DCUN1D5: variants seen among roughly 807,000 people sequenced by gnomAD.
DCUN1D5 encodes defective in cullin neddylation 1 domain containing 5, also known as DCN1-like protein 5.
In DCUN1D5, 10 loss-of-function variants were observed where a neutral mutation model predicts 38.3. The ratio of observed to expected loss-of-function variants is 0.26; its 90% CI spans 0.16 to 0.44. The LOEUF is 0.44. Among genes scored for constraint, DCUN1D5 ranks in the 20% least tolerant of loss-of-function variants. The pLI is 1.00. For missense variants in DCUN1D5, 148 were observed against 275.3 expected, an observed-to-expected ratio of 0.54 and a Z score of 3.27; for synonymous variants, 93 against 90.9, an observed-to-expected ratio of 1.02 and a Z score of -0.13.
Position 103,051,401 on chromosome 11 carries a change from AAG to A in DCUN1D5, c.*10956_*10957del, listed in dbSNP as rs373729186. 1.1e-4 allele frequency: 16 copies of A among 151,890 alleles called. No homozygotes were observed. The highest frequency in any genetic ancestry group is 3.4e-4 in the African/African-American group (14 of 41,330). 9.4% of individuals were successfully genotyped at this position (151,890 alleles called of 1,614,324 possible). On this transcript the variant is annotated 3_prime_UTR_variant, in exon 8 of 8. Coordinates refer to ENST00000260247, the MANE Select transcript of DCUN1D5 (RefSeq NM_032299.4). ...ACCTTAGAAATGATATCAGCATGAA[AAG>A]TTCATGACTTATTCACCTGTGACAT...
At position 103,080,774 on chromosome 11, in the gene DCUN1D5, C is replaced by T. The variant is rs533527874; in HGVS notation, c.341+1974G>A. Reference sequence around the variant, plus strand: ...CTGCAATCCCAGGACTTTGGGAGGTCGAGGCAGGTGGATCACAAGGTCAGG... The same window carrying T: ...CTGCAATCCCAGGACTTTGGGAGGTTGAGGCAGGTGGATCACAAGGTCAGG... On this transcript the variant is annotated intron_variant, in intron 4 of 7. Transcript: ENST00000260247. Among the ~76,000 whole-genome samples, 11 of 152,170 alleles carry T rather than the reference C, an allele frequency of 7.2e-5. No individual in the cohort carries two copies. In the South Asian group the frequency reaches 1.7e-3, roughly 23 times the overall value.
intron 4 of DCUN1D5, among the ~76,000 whole-genome samples, chr11:103,079,202 A>C (rs879852475): frequency 3.3e-5 from 5 of 152,158 alleles, no homozygotes; most frequent in Admixed American, 3.3e-4. Flanking sequence ...GAACAGTTTC[A>C]TCCCAAAGCC....
intron 1 of DCUN1D5, among the ~76,000 whole-genome samples, 178 bp from the exon 2 acceptor site, chr11:103,089,496 C>T (rs943334899): frequency 2.6e-5 from 4 of 151,984 alleles, no homozygotes; most frequent in Admixed American, 1.3e-4. Context: ...GTAGTCTATA[C>T]ATAAGAATTA....
Position 103,062,511 on chromosome 11 carries a change from A to ACCCTT in DCUN1D5, c.659-102_659-98dup. The ACCCTT allele has an allele frequency of 9.8e-7, 1 of 1,016,364 alleles. No individual in the cohort carries two copies. The highest frequency in any genetic ancestry group is 2.2e-5 in the Admixed American group (1 of 44,832). The allele number at this position is 1,016,364 out of a possible 1,614,324, so 63.0% of individuals were successfully genotyped here. The stretch of plus-strand genomic sequence containing the variant: ...CGAGCTCTGCAATGACAGAGGAATG[A>ACCCTT]CCCTTCCTTTCTTTGGGTGTTCTGC... On this transcript the variant is annotated intron_variant, in intron 7 of 7. Transcript: ENST00000260247. The surrounding 1 kb of genome is among the most constrained non-coding windows in gnomAD (Gnocchi z 4.6).
chr11:103,056,113 T>C lies in DCUN1D5; in HGVS notation c.*6246A>G, dbSNP rs1366470034. Among the ~76,000 whole-genome samples, 1 of 152,172 alleles carries C rather than the reference T, an allele frequency of 6.6e-6. No individual in the cohort carries two copies. The highest frequency in any genetic ancestry group is 1.5e-5 in the Non-Finnish European group (1 of 68,016). On this transcript the variant is annotated 3_prime_UTR_variant, in exon 8 of 8. Transcript: ENST00000260247. This position sits in a 1 kb window ranked among gnomAD's most constrained non-coding sequence, Gnocchi z 4.9. ...TACTCTTAATCTCAAATTGTACCAT[T>C]TGTCACCTGGATTTACCATATTATC...
chr11:103,064,068 C>G lies in DCUN1D5; in HGVS notation c.658+207G>C, dbSNP rs1170871564. Among the ~76,000 whole-genome samples, 1 of 152,090 alleles carries G rather than the reference C, an allele frequency of 6.6e-6. No homozygotes were observed. Among genetic ancestry groups the G allele is most frequent in the Non-Finnish European group, 1.5e-5 (1 of 67,958 alleles). ...GCTAAAATGTTTGGTTGCCGAGGAA[C>G]TGAAAACATTTCATTTACCAGCATA... is the stretch of plus-strand genomic sequence containing the variant. On this transcript the variant is annotated intron_variant, in intron 7 of 7. Transcript: ENST00000260247. This position sits in a 1 kb window ranked among gnomAD's most constrained non-coding sequence, Gnocchi z 4.5.
chr11:103,091,494 G>C lies in DCUN1D5; in HGVS notation c.86+293C>G. On this transcript the variant is annotated intron_variant, in intron 1 of 7. Transcript: ENST00000260247. The surrounding 1 kb of genome is among the most constrained non-coding windows in gnomAD (Gnocchi z 4.3). ...GGGTCGGTTGTGGGGTGGGGGTGGGGGTGGGGGGAAGCGCAATTTACATAT... is the reference window on the plus strand; with the variant it reads ...GGGTCGGTTGTGGGGTGGGGGTGGGCGTGGGGGGAAGCGCAATTTACATAT... The C allele has an allele frequency of 2.7e-6, 1 of 376,652 alleles. No homozygotes were observed. The highest frequency in any genetic ancestry group is 4.9e-6 in the Non-Finnish European group (1 of 203,636). 23.3% of individuals were successfully genotyped at this position (376,652 alleles called of 1,614,324 possible). A position where few individuals can be genotyped will look rare whatever the true frequency, so the allele number is the denominator to read the frequency against.
At chr11:103,084,635 A>G (rs2134633262) in intron 2 of DCUN1D5, among the ~76,000 whole-genome samples, 1 of 152,338 alleles carries the variant, frequency 6.6e-6, no homozygotes, top group South Asian at 2.1e-4. Flanking sequence ...TAAAGGTGTT[A>G]AAATGCATAA....
Position 103,073,372 on chromosome 11 carries a change from C to T in DCUN1D5, c.342-6805G>A, listed in dbSNP as rs1252054775. Among the ~76,000 whole-genome samples, 2 of 152,236 alleles carry T rather than the reference C, an allele frequency of 1.3e-5. No individual in the cohort carries two copies. The highest frequency in any genetic ancestry group is 2.4e-5 in the African/African-American group (1 of 41,554). ...TCAAAACAGTAAAAATGTCAATTCT[C>T]CCCAAATTTATATGCTATTTAACCA... On this transcript the variant is annotated intron_variant, in intron 4 of 7. Transcript: ENST00000260247. The surrounding 1 kb of genome is among the most constrained non-coding windows in gnomAD (Gnocchi z 4.2).
In DCUN1D5 at chr11:103,056,120, C is replaced by A. The variant is rs1861866705; in HGVS notation, c.*6239G>T. On this transcript the variant is annotated 3_prime_UTR_variant, in exon 8 of 8. Coordinates refer to ENST00000260247, the MANE Select transcript of DCUN1D5 (RefSeq NM_032299.4). This position sits in a 1 kb window ranked among gnomAD's most constrained non-coding sequence, Gnocchi z 4.9. ...AATCTCAAATTGTACCATTTGTCAC[C>A]TGGATTTACCATATTATCTTCCTAC... 6.6e-6 allele frequency among the ~76,000 whole-genome samples: 1 copy of A among 152,132 alleles called. No individual in the cohort carries two copies. Among genetic ancestry groups the A allele is most frequent in the South Asian group, 2.1e-4 (1 of 4,826 alleles).
chr11:103,091,677 G>C lies in DCUN1D5; in HGVS notation c.86+110C>G. 1 of 1,598,632 alleles carries C rather than the reference G, an allele frequency of 6.3e-7. No individual in the cohort carries two copies. The highest frequency in any genetic ancestry group is 1.7e-5 in the Admixed American group (1 of 58,390). On this transcript the variant is annotated intron_variant, in intron 1 of 7. Transcript: ENST00000260247. The surrounding 1 kb of genome is among the most constrained non-coding windows in gnomAD (Gnocchi z 4.3). Reference sequence around the variant, plus strand: ...CCTACAGCCTAGCTCGATCAAAGGGGCCTCACCTGTCTCCAGCCCCAGCCC... The same window carrying C: ...CCTACAGCCTAGCTCGATCAAAGGGCCCTCACCTGTCTCCAGCCCCAGCCC...
At chr11:103,081,644 A>C (rs1327458166) in intron 4 of DCUN1D5, among the ~76,000 whole-genome samples, 1 of 152,160 alleles carries the variant, frequency 6.6e-6, no homozygotes, top group Non-Finnish European at 1.5e-5. Context: ...AACTGTGCCA[A>C]ATATTTTCGT....
chr11:103,089,471 T>G (rs934783346), intron 1 of DCUN1D5, among the ~76,000 whole-genome samples, 153 bp from the exon 2 acceptor site: 1 of 152,158 alleles, frequency 6.6e-6, no homozygotes, highest in Non-Finnish European at 1.5e-5. Context: ...TGTTAAGTAA[T>G]TGCAACTTGA....
chr11:103,055,672 G>C lies in DCUN1D5; in HGVS notation c.*6687C>G, dbSNP rs146553270. On this transcript the variant is annotated 3_prime_UTR_variant, in exon 8 of 8. Transcript: ENST00000260247. ...TTGAAAAATCACAAAAGTTGGCCTT[G>C]AATTTCATCGATCATATGTCTTCAA... 93 of 152,252 alleles carry C rather than the reference G, an allele frequency of 6.1e-4. No individual in the cohort carries two copies. The highest frequency in any genetic ancestry group is 2.1e-3 in the African/African-American group (89 of 41,548). The allele number at this position is 152,252 out of a possible 1,614,324, so 9.4% of individuals were successfully genotyped here.
At position 103,061,597 on chromosome 11, in the gene DCUN1D5, CAAAAA is replaced by C. The variant is rs141012503; in HGVS notation, c.*757_*761del. ...TATCACAGCTAACGTTCTCTTAAGGCAAAAAAAAAAAAAAAAAGTGCTTTAAACAA... is the reference window on the plus strand; with the variant it reads ...TATCACAGCTAACGTTCTCTTAAGGCAAAAAAAAAAAAGTGCTTTAAACAA... On this transcript the variant is annotated 3_prime_UTR_variant, in exon 8 of 8. Transcript: ENST00000260247. Among the ~76,000 whole-genome samples the C allele has an allele frequency of 3.1e-5, 3 of 95,526 alleles. No individual in the cohort carries two copies. The highest frequency in any genetic ancestry group is 2.9e-4 in the East Asian group (1 of 3,454). The allele number at this position is 95,526 out of a possible 152,430, so 62.7% of individuals were successfully genotyped here.
chr11:103,052,783 C>T lies in DCUN1D5; in HGVS notation c.*9576G>A, dbSNP rs1861775171. 1 of 152,164 alleles carries T rather than the reference C, an allele frequency of 6.6e-6. No homozygotes were observed. The highest frequency in any genetic ancestry group is 6.5e-5 in the Admixed American group (1 of 15,272). 9.4% of individuals were successfully genotyped at this position (152,164 alleles called of 1,614,324 possible). On this transcript the variant is annotated 3_prime_UTR_variant, in exon 8 of 8. Transcript: ENST00000260247. ...ATGTTATTCCAAACACCAACCACTTCTTGGCTTTTTATAGAGAGAATAAAA... is the reference window on the plus strand; with the variant it reads ...ATGTTATTCCAAACACCAACCACTTTTTGGCTTTTTATAGAGAGAATAAAA...
rs776818468 is a variant in DCUN1D5, at chr11:103,091,679, C to A, written c.86+108G>T. On this transcript the variant is annotated intron_variant, in intron 1 of 7. Transcript: ENST00000260247. The surrounding 1 kb of genome is among the most constrained non-coding windows in gnomAD (Gnocchi z 4.3). ...TACAGCCTAGCTCGATCAAAGGGGC[C>A]TCACCTGTCTCCAGCCCCAGCCCGG... The A allele has an allele frequency of 9.4e-6, 15 of 1,600,904 alleles. No individual in the cohort carries two copies. Among genetic ancestry groups the A allele is most frequent in the Admixed American group, 3.4e-5 (2 of 58,596 alleles).
Position 103,058,522 on chromosome 11 carries a change from T to A in DCUN1D5, c.*3837A>T, listed in dbSNP as rs1861933287. ...GGGGCAGAAATTCATCTTTCCACAG[T>A]CTGTAAGTTTATCATAAAAATTAGA... On this transcript the variant is annotated 3_prime_UTR_variant, in exon 8 of 8. Coordinates refer to ENST00000260247, the MANE Select transcript of DCUN1D5 (RefSeq NM_032299.4). Among the ~76,000 whole-genome samples, 1 of 152,180 alleles carries A rather than the reference T, an allele frequency of 6.6e-6. No individual in the cohort carries two copies.
rs1392953715 is a variant in DCUN1D5, at chr11:103,055,954, T to C, written c.*6405A>G. ...GCTCCTCTGAGTCTTCGCCATCTTA[T>C]TAATGCCCACTTCATTCTTCAAGCC... is the stretch of plus-strand genomic sequence containing the variant. On this transcript the variant is annotated 3_prime_UTR_variant, in exon 8 of 8. Coordinates refer to ENST00000260247, the MANE Select transcript of DCUN1D5 (RefSeq NM_032299.4). Among the ~76,000 whole-genome samples, 4 of 152,206 alleles carry C rather than the reference T, an allele frequency of 2.6e-5. No individual in the cohort carries two copies. Among genetic ancestry groups the C allele is most frequent in the Non-Finnish European group, 5.9e-5 (4 of 68,032 alleles).
Sources: allele counts gnomAD v4.1 joint callset (sites outside exome capture counted in the v4.1 genomes callset), GRCh38; gene constraint gnomAD v4.1.1; non-coding constraint Gnocchi (gnomAD v3.1); transcripts MANE v1.5; gene names NCBI Gene and HGNC (gene_info 2026-07-23, HGNC 2026-07-21).